Variants in ATP11A observed in about 807,000 individuals in gnomAD.
ATP11A encodes ATPase phospholipid transporting 11A.
ATP11A carries 81 observed loss-of-function variants against 154.4 expected under a neutral mutation model. That is an observed-to-expected ratio of 0.52 (90% CI 0.44 to 0.63). The LOEUF (loss-of-function observed/expected upper bound fraction) is 0.63, where lower values mean the gene tolerates loss of function less well. Ranked by LOEUF, ATP11A falls within the 30% of genes least tolerant of loss-of-function variation. ATP11A has a pLI of 0.00. For synonymous variants in ATP11A, 623 were observed against 585.9 expected (o/e 1.06, Z -0.91); for missense variants, 1,316 against 1,474.3 (o/e 0.89, Z 1.76).
At chr13:112,757,119 T>G (rs2076859614) in intron 1 of ATP11A, among the ~76,000 whole-genome samples, 1 of 152,182 alleles carries the variant, frequency 6.6e-6, no homozygotes, top group Non-Finnish European at 1.5e-5. Flanking sequence ...TGCTACAATC[T>G]GTAGTGTTAC....
intron 1 of ATP11A, among the ~76,000 whole-genome samples, chr13:112,727,308 A>G (rs1038996945): frequency 7.2e-5 from 11 of 152,166 alleles, no homozygotes; most frequent in African/African-American, 2.7e-4. Context: ...TGGCCTCCCA[A>G]AGTGCTGGGA....
chr13:112,733,644 T>G (rs1890710578), intron 1 of ATP11A, among the ~76,000 whole-genome samples: 2 of 152,214 alleles, frequency 1.3e-5, no homozygotes, highest in Non-Finnish European at 2.9e-5. Flanking sequence ...AACTCACAAG[T>G]GTGGATCACA....
rs1314366525 is a variant in ATP11A at position 112,834,665 on chromosome 13, G to T, written c.1631+5G>T. On this transcript the variant is annotated splice_donor_5th_base_variant and intron_variant, in intron 15 of 29. Coordinates refer to ENST00000375645, the MANE Select transcript of ATP11A (RefSeq NM_015205.3). Reference sequence around the variant, plus strand: ...CAGGGAGAACCACATCGAAAGGTATGTGCAGACCTCACCCTCAGATGTGAA... The same window carrying T: ...CAGGGAGAACCACATCGAAAGGTATTTGCAGACCTCACCCTCAGATGTGAA... 3.1e-6 allele frequency: 5 copies of T among 1,609,136 alleles called. No individual in the cohort carries two copies. Among genetic ancestry groups the T allele is most frequent in the Non-Finnish European group, 3.4e-6 (4 of 1,175,654 alleles).
Position 112,816,820 on chromosome 13 carries a change from G to A in ATP11A, c.570+609G>A, listed in dbSNP as rs749266364. 2.4e-4 allele frequency among the ~76,000 whole-genome samples: 36 copies of A among 152,166 alleles called. 1 individual carries two copies. The highest frequency in any genetic ancestry group is 1.6e-3 in the Admixed American group (25 of 15,282). Reference sequence around the variant, plus strand: ...AAAAATAACTTCAGTGTTAACCTGTGTCAATTAGCTAATGTACCAAATTCA... The same window carrying A: ...AAAAATAACTTCAGTGTTAACCTGTATCAATTAGCTAATGTACCAAATTCA... On this transcript the variant is annotated intron_variant, in intron 6 of 29. Coordinates refer to ENST00000375645, the MANE Select transcript of ATP11A (RefSeq NM_015205.3).
At chr13:112,700,388 G>A (rs888411353) in intron 1 of ATP11A, among the ~76,000 whole-genome samples, 3 of 152,158 alleles carry the variant, frequency 2.0e-5, no homozygotes, top group Admixed American at 6.5e-5. Flanking sequence ...AGGGGCTGCC[G>A]TCCGGCATGT....
Position 112,851,205 on chromosome 13 carries a change from G to C in ATP11A, c.1978G>C (p.Ala660Pro). 6.2e-7 allele frequency: 1 copy of C among 1,613,624 alleles called. No individual in the cohort carries two copies. The part of the protein sequence containing the change: ...EKDLTLLGAT[A>P]VEDRLQEKAA... ...AGATCTTACTCTGCTTGGTGCTACA[G>C]CTGTTGAGGACCGGTAAAGTAAACG... is the stretch of plus-strand genomic sequence containing the variant. Residue 660 changes from alanine to proline, a missense_variant, in exon 18 of 30, where the codon GCT becomes CCT. This residue lies in a region of ATP11A where 876 missense variants were observed against 1,006.8 expected (regional missense o/e 0.87). Transcript: ENST00000375645.
chr13:112,842,346 C>T lies in ATP11A; in HGVS notation c.1776C>T (p.Asp592=), dbSNP rs1405878195. The T allele has an allele frequency of 6.2e-7, 1 of 1,610,654 alleles. No individual in the cohort carries two copies. The highest frequency in any genetic ancestry group is 8.5e-7 in the Non-Finnish European group (1 of 1,178,392). ...IFPRVIEGKV[D]QIRARVERNA... ...CCCGAGTGATAGAAGGCAAAGTTGA[C>T]CAGATCCGAGCCAGAGTGGAGCGTA... The change falls in exon 17 of 30, where the codon GAC becomes GAT. Residue 592 remains aspartate, a synonymous_variant. Transcript: ENST00000375645.
intron 1 of ATP11A, among the ~76,000 whole-genome samples, chr13:112,780,537 C>T (rs565242722): frequency 3.3e-5 from 5 of 152,290 alleles, no homozygotes; most frequent in African/African-American, 7.2e-5. Context: ...AGTGGACGCG[C>T]GTTTGGAGGC....
chr13:112,690,293 G>C lies in ATP11A; in HGVS notation c.-124G>C, dbSNP rs1051213207. The stretch of plus-strand genomic sequence containing the variant: ...AGGGGCCGCGGCCGCCCCCTGCACC[G>C]CCCGGCGCGCCGAGGCCGTGACCGG... On this transcript the variant is annotated 5_prime_UTR_variant, in exon 1 of 30. Transcript: ENST00000375645. This position sits in a 1 kb window ranked among gnomAD's most constrained non-coding sequence, Gnocchi z 5.6. The C allele has an allele frequency of 3.1e-6, 2 of 645,038 alleles. No homozygotes were observed. Among genetic ancestry groups the C allele is most frequent in the African/African-American group, 3.9e-5 (2 of 50,718 alleles). 40.0% of individuals were successfully genotyped at this position (645,038 alleles called of 1,614,324 possible).
At chr13:112,715,518 TC>T (rs1888348460) in intron 1 of ATP11A, among the ~76,000 whole-genome samples, 2 of 22,054 alleles carry the variant, frequency 9.1e-5, no homozygotes, top group Middle Eastern at 0.021. Flanking sequence ...ACCTGGCCGA[TC>T]CCCACCCTTC....
chr13:112,854,358 A>G lies in ATP11A; in HGVS notation c.2071A>G (p.Met691Val), dbSNP rs2079860500. ...IKVWVLTGDK[M>V]ETAAATCYAC... ...AGTCTGGGTTCTCACGGGAGACAAG[A>G]TGGAGACGGCCGCGGCCACGTGCTA... Residue 691 changes from methionine (M) to valine (V), a missense_variant, in exon 19 of 30, where the codon ATG becomes GTG. By Grantham distance (21) the Met-to-Val change is conservative (BLOSUM62 1). Coordinates refer to ENST00000375645, the MANE Select transcript of ATP11A (RefSeq NM_015205.3). 6.2e-7 allele frequency: 1 copy of G among 1,614,008 alleles called. No homozygotes were observed. The highest frequency in any genetic ancestry group is 1.7e-5 in the Admixed American group (1 of 60,012).
At chr13:112,762,030 A>G (rs1317522595) in intron 1 of ATP11A, among the ~76,000 whole-genome samples, 2 of 152,050 alleles carry the variant, frequency 1.3e-5, no homozygotes, top group African/African-American at 4.8e-5. Flanking sequence ...TGAGTTCGTG[A>G]CCTCGATGGA....
chr13:112,739,170 C>T (rs142103740), intron 1 of ATP11A, among the ~76,000 whole-genome samples: 3 of 152,220 alleles, frequency 2.0e-5, no homozygotes, highest in Non-Finnish European at 2.9e-5. Flanking sequence ...GACACCATTA[C>T]GAAAGTGAAA....
At chr13:112,781,219 C>T (rs1160527181) in intron 1 of ATP11A, among the ~76,000 whole-genome samples, 1 of 150,734 alleles carries the variant, frequency 6.6e-6, no homozygotes, top group Non-Finnish European at 1.5e-5. Context: ...TTTTTTTTTT[C>T]AGTAGAGATG....
chr13:112,777,993 G>A (rs896252020), intron 1 of ATP11A, among the ~76,000 whole-genome samples: 2 of 152,234 alleles, frequency 1.3e-5, no homozygotes, highest in African/African-American at 2.4e-5. Flanking sequence ...ATGTGCAGGC[G>A]CCTCTGTCTG....
At chr13:112,777,872 C>T (rs1056227220) in intron 1 of ATP11A, among the ~76,000 whole-genome samples, 1 of 152,216 alleles carries the variant, frequency 6.6e-6, no homozygotes, top group Non-Finnish European at 1.5e-5. Context: ...CCCCACACGC[C>T]GCTCACCGTG....
chr13:112,738,653 T>C (rs937095328), intron 1 of ATP11A, among the ~76,000 whole-genome samples: 1 of 152,176 alleles, frequency 6.6e-6, no homozygotes, highest in Admixed American at 6.5e-5. Context: ...CAAGGCAATG[T>C]GGCTCAGTTC....
At chr13:112,814,582 G>A (rs2078590285) in intron 5 of ATP11A, among the ~76,000 whole-genome samples, 2 of 152,318 alleles carry the variant, frequency 1.3e-5, no homozygotes, top group Admixed American at 1.3e-4. Flanking sequence ...GCCCGTGGCT[G>A]TCTTGTCGCC....
rs1271607511 is a variant in ATP11A at position 112,882,018 on chromosome 13, TC to T, written c.*155del. 1 of 1,367,604 alleles carries T rather than the reference TC, an allele frequency of 7.3e-7. No individual in the cohort carries two copies. The highest frequency in any genetic ancestry group is 9.8e-7 in the Non-Finnish European group (1 of 1,021,960). 84.7% of individuals were successfully genotyped at this position (1,367,604 alleles called of 1,614,324 possible). On this transcript the variant is annotated 3_prime_UTR_variant, in exon 30 of 30. Coordinates refer to ENST00000375645, the MANE Select transcript of ATP11A (RefSeq NM_015205.3). This position sits in a 1 kb window ranked among gnomAD's most constrained non-coding sequence, Gnocchi z 5.1. ...GGTTCCCATCACCACTGCAGTTCCA[TC>T]CCAAGTCACAGCTGCCCTAGGTCCC... is the stretch of plus-strand genomic sequence containing the variant.
Sources: allele counts gnomAD v4.1 joint callset (sites outside exome capture counted in the v4.1 genomes callset), GRCh38; gene constraint gnomAD v4.1.1; regional missense constraint gnomAD v4.1.1; non-coding constraint Gnocchi (gnomAD v3.1); transcripts MANE v1.5; gene names NCBI Gene and HGNC (gene_info 2026-07-23, HGNC 2026-07-21).